Variants in PFKM observed in about 807,000 individuals in gnomAD.
PFKM encodes phosphofructokinase, muscle, also known as ATP-dependent 6-phosphofructokinase, muscle type.
A neutral mutation model predicts 95.5 loss-of-function variants in PFKM; 58 were observed. The ratio of observed to expected loss-of-function variants is 0.61; its 90% confidence interval spans 0.49 to 0.76. The LOEUF is 0.76. Ranked by LOEUF, PFKM falls within the 30% of genes least tolerant of loss-of-function variation. The pLI is 0.00. For synonymous variants in PFKM, 336 were observed against 357.2 expected (o/e 0.94, Z 0.67); for missense variants, 678 against 1,005.4 (o/e 0.67, Z 4.40).
At chr12:48,105,932 C>T (rs1565826266) in exon 1 of PFKM, 2 of 678,042 alleles carry the variant, frequency 2.9e-6, no homozygotes, top group East Asian at 2.7e-5. Context: ...CGCTTCCGCC[C>T]AGTCCAGCCC....
At chr12:48,137,245 T>G in intron 10 of PFKM, 1 of 209,340 alleles carries the variant, frequency 4.8e-6, no homozygotes, top group Non-Finnish European at 9.6e-6. Flanking sequence ...GTATTTTTAG[T>G]AGAGACGGGG....
At chr12:48,136,897 G>C (rs1950151931) in intron 10 of PFKM, among the ~76,000 whole-genome samples, 1 of 151,554 alleles carries the variant, frequency 6.6e-6, no homozygotes, top group African/African-American at 2.4e-5. Context: ...GGGATTGCAG[G>C]TGCCTGCCAC....
At chr12:48,129,104 C>T (rs760473185) in intron 2 of PFKM, among the ~76,000 whole-genome samples, 5 of 151,450 alleles carry the variant, frequency 3.3e-5, no homozygotes, top group South Asian at 2.1e-4. Context: ...GTTCTTTTCA[C>T]TGAGCAGCTA....
chr12:48,144,062 G>T lies in PFKM; in HGVS notation c.1897G>T (p.Glu633Ter). The T allele has an allele frequency of 6.2e-7, 1 of 1,613,108 alleles. No individual in the cohort carries two copies. The highest frequency in any genetic ancestry group is 1.1e-5 in the South Asian group (1 of 91,052). The change falls in exon 20 of 23, where the codon GAG becomes TAG. Residue 633 changes from glutamate (E) to a stop codon, truncating the protein, a stop_gained. Transcript: ENST00000359794. LOFTEE classifies it high-confidence loss of function. ...GLVLRNEKCN[E>*]NYTTDFIFNL... ...ACCTGGCAGGAATGAAAAGTGCAAT[G>T]AGAACTATACCACTGACTTCATTTT...
At chr12:48,115,655 G>C (rs1947606187), upstream of PFKM, among the ~76,000 whole-genome samples, 1 of 152,200 alleles carries the variant, frequency 6.6e-6, no homozygotes, top group African/African-American at 2.4e-5. Flanking sequence ...TGATGGCTTA[G>C]CTTGGGCTCA....
At chr12:48,139,615 G>T in intron 12 of PFKM, 1 of 621,204 alleles carries the variant, frequency 1.6e-6, no homozygotes, top group South Asian at 1.9e-5. Flanking sequence ...CTCTAGGCAA[G>T]GGACAGTCTC....
At chr12:48,135,851 A>G (rs1950029193) in intron 10 of PFKM, among the ~76,000 whole-genome samples, 1 of 151,990 alleles carries the variant, frequency 6.6e-6, no homozygotes, top group Non-Finnish European at 1.5e-5. Context: ...TTTTATAGCC[A>G]CGTGTACTTT....
chr12:48,142,855 A>G lies in PFKM; in HGVS notation c.1727A>G (p.Tyr576Cys), dbSNP rs370424471. The change falls in exon 18 of 23, where the codon TAC becomes TGC. Residue 576 changes from tyrosine to cysteine, a missense_variant. Transcript: ENST00000359794. ...TTTATCATTGAGACTATGGGTGGCT[A>G]CTGTGGCTACCTGGCTACCATGGCT... ...RVFIIETMGGYCGYLATMAGL... is the reference protein window; with the variant it reads ...RVFIIETMGGCCGYLATMAGL... The G allele has an allele frequency of 1.2e-6, 2 of 1,614,110 alleles. No homozygotes were observed. Among genetic ancestry groups the G allele is most frequent in the Admixed American group, 1.7e-5 (1 of 60,016 alleles).
intron 2 of PFKM, among the ~76,000 whole-genome samples, chr12:48,125,789 G>A (rs1383347439): frequency 1.3e-5 from 2 of 152,132 alleles, no homozygotes; most frequent in Non-Finnish European, 2.9e-5. Context: ...CGCACGAACA[G>A]AGATCCTTTT....
rs184820046 is a variant in PFKM at position 48,129,835 on chromosome 12, G to C, written c.86-528G>C. Among the ~76,000 whole-genome samples, 191 of 152,318 alleles carry C rather than the reference G, an allele frequency of 1.3e-3. 1 individual carries two copies. The highest frequency in any genetic ancestry group is 1.7e-3 in the Non-Finnish European group (117 of 68,034). The stretch of plus-strand genomic sequence containing the variant: ...AAACCTAGTACAGCCATTGACATTA[G>C]TAGGACAAGCCATAGAGGCTAATAA... On this transcript the variant is annotated intron_variant, in intron 2 of 22. Transcript: ENST00000359794.
intron 4 of PFKM, chr12:48,131,917 T>C (rs1949538661): frequency 2.3e-6 from 1 of 429,432 alleles, no homozygotes; most frequent in Non-Finnish European, 4.6e-6. Flanking sequence ...AGGCTTCTCA[T>C]GTGTATCCAC....
chr12:48,126,330 G>C (rs1330711716), intron 2 of PFKM, among the ~76,000 whole-genome samples: 1 of 152,166 alleles, frequency 6.6e-6, no homozygotes, highest in Non-Finnish European at 1.5e-5. Context: ...CCCAAAGTTT[G>C]TGATTTTTAG....
Position 48,122,806 on chromosome 12 carries a change from C to T in PFKM, c.32C>T (p.Thr11Ile), listed in dbSNP as rs760084241. The T allele has an allele frequency of 6.2e-7, 1 of 1,613,948 alleles. No homozygotes were observed. The highest frequency in any genetic ancestry group is 1.3e-5 in the African/African-American group (1 of 74,912). Residue 11 changes from threonine to isoleucine, a missense_variant, in exon 2 of 23, where the codon ACC (threonine) becomes ATC (isoleucine). Physicochemically the swap from Thr to Ile is moderately conservative, Grantham distance 89. Transcript: ENST00000359794. MTHEEHHAAK[T>I]LGIGKAIAVL... The stretch of plus-strand genomic sequence containing the variant: ...CATGAAGAGCACCATGCAGCCAAAA[C>T]CCTGGGGATTGGCAAAGCCATTGCT...
chr12:48,130,268 A>G (rs1165710452), intron 2 of PFKM, 95 bp from the exon 3 acceptor site: 1 of 833,450 alleles, frequency 1.2e-6, no homozygotes, highest in South Asian at 1.3e-5. Flanking sequence ...TAAAGTACTG[A>G]TTCGTTATCT....
In PFKM at chr12:48,142,889, A is replaced by G. The variant is rs1950696961; in HGVS notation, c.1761A>G (p.Ala587=). 1.2e-6 allele frequency: 2 copies of G among 1,614,058 alleles called. No homozygotes were observed. Among genetic ancestry groups the G allele is most frequent in the Non-Finnish European group, 1.7e-6 (2 of 1,180,056 alleles). ...ACCTGGCTACCATGGCTGGACTGGC[A>G]GCTGGGGCCGATGCTGCCTACATTT... ...CGYLATMAGL[A]AGADAAYIFE... is the part of the protein sequence containing the mutation. The change falls in exon 18 of 23, where the codon GCA becomes GCG. Residue 587 remains alanine (A), a synonymous_variant. Coordinates refer to ENST00000359794, the MANE Select transcript of PFKM (RefSeq NM_000289.6).
At chr12:48,144,025 C>G in intron 19 of PFKM, 21 bp from the exon 20 acceptor site, 4 of 1,535,880 alleles carry the variant, frequency 2.6e-6, no homozygotes, top group Middle Eastern at 1.7e-4. Context: ...GAGTCACAGG[C>G]TTTTGGTCTC....
rs151045985 is a variant in PFKM, at chr12:48,139,326, C to T, written c.1104C>T (p.Asp368=). The T allele has an allele frequency of 2.7e-5, 44 of 1,613,548 alleles. No homozygotes were observed. Among genetic ancestry groups the T allele is most frequent in the Middle Eastern group, 1.7e-4 (1 of 6,056 alleles). The change falls in exon 12 of 23, where the codon GAC becomes GAT. Residue 368 remains aspartate (D), a synonymous_variant. Coordinates refer to ENST00000359794, the MANE Select transcript of PFKM (RefSeq NM_000289.6). The stretch of plus-strand genomic sequence containing the variant: ...AGGCCATGGATGAGAAGAAATTTGA[C>T]GAAGCCCTGAAGCTGAGAGGCCGGT... ...VTKAMDEKKF[D]EALKLRGRSF...
intron 2 of PFKM, among the ~76,000 whole-genome samples, chr12:48,123,809 A>G (rs559350045): frequency 6.6e-6 from 1 of 152,354 alleles, no homozygotes; most frequent in East Asian, 1.9e-4. Flanking sequence ...ATTCTTACAT[A>G]AGGCACATAA....
intron 10 of PFKM, among the ~76,000 whole-genome samples, chr12:48,136,840 GC>G (rs1163028484): frequency 6.6e-6 from 1 of 150,758 alleles, no homozygotes; most frequent in Non-Finnish European, 1.5e-5. Flanking sequence ...TGCAACCTCT[GC>G]CCCCTGGGTT....
Sources: allele counts gnomAD v4.1 joint callset (sites outside exome capture counted in the v4.1 genomes callset), GRCh38; gene constraint gnomAD v4.1.1; transcripts MANE v1.5; gene names NCBI Gene and HGNC (gene_info 2026-07-23, HGNC 2026-07-21).